NKAIN3: variants seen among roughly 807,000 people sequenced by gnomAD.
NKAIN3 encodes the protein sodium/potassium-transporting ATPase subunit beta-1-interacting protein 3.
Under a neutral mutation model 30.2 loss-of-function variants are expected in NKAIN3, and 25 were observed. That is an observed-to-expected ratio of 0.83 (90% CI 0.60 to 1.16). The LOEUF (loss-of-function observed/expected upper bound fraction) is 1.16, where lower values mean the gene tolerates loss of function less well. Ranked by LOEUF, NKAIN3 falls within the 50% of genes most tolerant of loss-of-function variation. The pLI is 0.00. For synonymous variants in NKAIN3, 91 were observed against 89.6 expected (o/e 1.02, Z -0.09); for missense variants, 225 against 254.1 (o/e 0.89, Z 0.78).
intron 1 of NKAIN3, among the ~76,000 whole-genome samples, chr8:62,501,070 G>A (rs561880356): frequency 2.0e-5 from 3 of 151,852 alleles, no homozygotes; most frequent in Non-Finnish European, 4.4e-5. Flanking sequence ...TTTTTTTCTA[G>A]TTATTCCATT....
chr8:62,453,575 T>C (rs1805717888), intron 1 of NKAIN3, among the ~76,000 whole-genome samples: 1 of 151,778 alleles, frequency 6.6e-6, no homozygotes, highest in Admixed American at 6.6e-5. Context: ...ATACAAAAGA[T>C]CAGTGAATTC....
chr8:62,952,844 T>A (rs993654157), intron 5 of NKAIN3, among the ~76,000 whole-genome samples: 4 of 152,194 alleles, frequency 2.6e-5, no homozygotes, highest in African/African-American at 9.6e-5. Context: ...CTTTGAGATA[T>A]CTTGACTTGA....
At chr8:62,769,440 T>C (rs1816949683) in intron 4 of NKAIN3, among the ~76,000 whole-genome samples, 1 of 152,206 alleles carries the variant, frequency 6.6e-6, no homozygotes, top group South Asian at 2.1e-4. Context: ...AGCCACAAAT[T>C]GGAGTTCTGT....
intron 5 of NKAIN3, among the ~76,000 whole-genome samples, chr8:62,928,781 T>C (rs1029521451): frequency 6.6e-6 from 1 of 152,228 alleles, no homozygotes; most frequent in African/African-American, 2.4e-5. Context: ...GCCTGGGTCA[T>C]TGAGTGTTGC....
At chr8:62,560,733 G>T (rs1008677715) in intron 1 of NKAIN3, among the ~76,000 whole-genome samples, 1 of 151,332 alleles carries the variant, frequency 6.6e-6, no homozygotes, top group Non-Finnish European at 1.5e-5. Context: ...TAGAGATGGG[G>T]TTTCACCATG....
chr8:62,335,608 T>A (rs1193675737), intron 1 of NKAIN3, among the ~76,000 whole-genome samples: 2 of 151,834 alleles, frequency 1.3e-5, no homozygotes, highest in South Asian at 2.1e-4. Flanking sequence ...TTTTGTGCCC[T>A]CCCCACAACA....
chr8:62,597,566 T>C (rs1810871134), intron 3 of NKAIN3, among the ~76,000 whole-genome samples: 1 of 152,036 alleles, frequency 6.6e-6, no homozygotes, highest in Admixed American at 6.6e-5. Context: ...TGTTCTATTT[T>C]TCAAGGTGAA....
chr8:62,730,020 G>A (rs554563789), intron 3 of NKAIN3, among the ~76,000 whole-genome samples: 2 of 152,246 alleles, frequency 1.3e-5, no homozygotes, highest in African/African-American at 2.4e-5. Context: ...AACATGCCAC[G>A]TTTGGACAAT....
chr8:62,375,078 A>C (rs1305187887), intron 1 of NKAIN3, among the ~76,000 whole-genome samples: 1 of 152,242 alleles, frequency 6.6e-6, no homozygotes, highest in Non-Finnish European at 1.5e-5. Context: ...GAATTATTTG[A>C]AACAAATTGA....
intron 1 of NKAIN3, among the ~76,000 whole-genome samples, chr8:62,531,467 C>T (rs1808488488): frequency 6.6e-6 from 1 of 152,100 alleles, no homozygotes. Flanking sequence ...GTGGTTTCTC[C>T]GTGCCTGTAT....
chr8:62,829,586 C>T lies in NKAIN3; in HGVS notation c.471+82457C>T, dbSNP rs533712167. Among the ~76,000 whole-genome samples the T allele has an allele frequency of 5.3e-5, 8 of 151,922 alleles. No homozygotes were observed. In the East Asian group the frequency reaches 1.5e-3, roughly 29 times the overall value. ...AGAGATAATAAGATCAGGTATATTG[C>T]CGAAAATAGATATGACATAAACAGA... On this transcript the variant is annotated intron_variant, in intron 4 of 6. Coordinates refer to ENST00000623646, the MANE Select transcript of NKAIN3 (RefSeq NM_001304533.3).
intron 4 of NKAIN3, among the ~76,000 whole-genome samples, chr8:62,805,600 T>C (rs1329723247): frequency 6.6e-6 from 1 of 152,190 alleles, no homozygotes; most frequent in Non-Finnish European, 1.5e-5. Context: ...GCTAGCCATA[T>C]GTAGAAAGCT....
chr8:62,427,129 A>G (rs905465392), intron 1 of NKAIN3, among the ~76,000 whole-genome samples: 2 of 152,090 alleles, frequency 1.3e-5, no homozygotes, highest in African/African-American at 4.8e-5. Flanking sequence ...AGCTACAAAT[A>G]CAGGCTTTTG....
chr8:62,878,343 G>A (rs1820863884), intron 4 of NKAIN3, among the ~76,000 whole-genome samples: 1 of 152,008 alleles, frequency 6.6e-6, no homozygotes, highest in Non-Finnish European at 1.5e-5. Context: ...CCTCAGAGAA[G>A]GCAAAACATA....
intron 1 of NKAIN3, among the ~76,000 whole-genome samples, chr8:62,417,496 G>C (rs1004473208): frequency 2.6e-5 from 4 of 152,120 alleles, no homozygotes; most frequent in Admixed American, 6.6e-5. Flanking sequence ...CCAGCATTGA[G>C]CTTGCTGGAA....
chr8:62,273,391 C>T (rs1259660620), intron 1 of NKAIN3, among the ~76,000 whole-genome samples: 1 of 152,046 alleles, frequency 6.6e-6, no homozygotes, highest in Non-Finnish European at 1.5e-5. Context: ...CATTCCAAAA[C>T]AAAAACAATA....
intron 1 of NKAIN3, among the ~76,000 whole-genome samples, chr8:62,251,083 A>C (rs1007093034): frequency 6.6e-6 from 1 of 152,204 alleles, no homozygotes; most frequent in Non-Finnish European, 1.5e-5. Context: ...TTGATAATAC[A>C]TAACATTTGC....
chr8:62,283,747 A>G (rs909882363), intron 1 of NKAIN3, among the ~76,000 whole-genome samples: 4 of 152,124 alleles, frequency 2.6e-5, no homozygotes, highest in African/African-American at 4.8e-5. Flanking sequence ...TTTGCACAGT[A>G]TGTCACAGCA....
At chr8:62,785,701 C>T (rs1275220476) in intron 4 of NKAIN3, among the ~76,000 whole-genome samples, 1 of 152,036 alleles carries the variant, frequency 6.6e-6, no homozygotes, top group Non-Finnish European at 1.5e-5. Flanking sequence ...CTTTCTCTGA[C>T]TTTTTATGTT....
Sources: gnomAD v4.1 joint callset for allele counts (sites outside exome capture counted in the v4.1 genomes callset) on GRCh38, gnomAD v4.1.1 for gene constraint, MANE v1.5 for transcripts, NCBI Gene and HGNC (gene_info 2026-07-23, HGNC 2026-07-21) for gene names.